The following BLTP3B variants were observed in gnomAD, a reference collection of about 807,000 sequenced individuals.
The protein encoded by BLTP3B is bridge-like lipid transfer protein family member 3B.
At chr12:100,095,573 A>G in the BLTP3B span, 1 of 1,423,240 alleles carries the variant, frequency 7.0e-7, no homozygotes. Context: ...AAACCTCACA[A>G]TCTGTCTCTT....
At chr12:100,120,793 AAGAGAG>A in the BLTP3B span, among the ~76,000 whole-genome samples, 6 of 149,686 alleles carry the variant, frequency 4.0e-5, no homozygotes, top group Non-Finnish European at 6.0e-5. Context: ...ACAATTATGT[AAGAGAG>A]AGAGAGAGAG....
chr12:100,091,751 C>T, the BLTP3B span, among the ~76,000 whole-genome samples: 2 of 151,560 alleles, frequency 1.3e-5, no homozygotes, highest in Admixed American at 6.6e-5. Context: ...GTGACCCACC[C>T]GCCTCAGCCT....
At chr12:100,126,022 T>C in the BLTP3B span, among the ~76,000 whole-genome samples, 34 of 152,046 alleles carry the variant, frequency 2.2e-4, no homozygotes, top group Non-Finnish European at 3.8e-4. Context: ...TCCCAACACT[T>C]TGGGAGGCTG....
At chr12:100,052,908 C>G in the BLTP3B span, among the ~76,000 whole-genome samples, 2 of 151,056 alleles carry the variant, frequency 1.3e-5, no homozygotes, top group African/African-American at 2.4e-5. Flanking sequence ...ATTCTCCTGC[C>G]TCAGCCTCCT....
the BLTP3B span, among the ~76,000 whole-genome samples, chr12:100,098,731 A>G: frequency 0.014 from 2,086 of 148,670 alleles, 18 homozygotes; most frequent in Non-Finnish European, 0.021. Context: ...GTGAAACCCC[A>G]TCTCTACTAA....
chr12:100,058,539 A>C, the BLTP3B span: 3 of 1,612,794 alleles, frequency 1.9e-6, no homozygotes, highest in Non-Finnish European at 2.5e-6. Flanking sequence ...ATCCCTACTA[A>C]TTTGTTTTCT....
the BLTP3B span, among the ~76,000 whole-genome samples, chr12:100,066,520 G>A: frequency 9.1e-4 from 138 of 152,104 alleles, no homozygotes; most frequent in Non-Finnish European, 1.6e-3. Context: ...CCGGCCGGGC[G>A]TGGTAGCTCA....
chr12:100,094,773 T>C, the BLTP3B span, among the ~76,000 whole-genome samples: 1 of 152,128 alleles, frequency 6.6e-6, no homozygotes, highest in East Asian at 1.9e-4. Context: ...GGCACAAAAA[T>C]TGCTTGAACC....
At chr12:100,122,716 C>T in the BLTP3B span, among the ~76,000 whole-genome samples, 5 of 152,268 alleles carry the variant, frequency 3.3e-5, no homozygotes, top group East Asian at 9.7e-4. Context: ...CCATAGTTTG[C>T]TCCCTGCTTT....
the BLTP3B span, among the ~76,000 whole-genome samples, chr12:100,079,477 A>G: frequency 6.6e-6 from 1 of 152,178 alleles, no homozygotes; most frequent in Non-Finnish European, 1.5e-5. Context: ...TCTGAACTTG[A>G]GAGATGATTT....
the BLTP3B span, chr12:100,084,695 T>G: frequency 1.3e-6 from 2 of 1,577,558 alleles, no homozygotes; most frequent in African/African-American, 1.4e-5. Context: ...TTGAAAAATG[T>G]ACAACTTTCA....
the BLTP3B span, chr12:100,092,809 A>G: frequency 4.6e-5 from 36 of 777,330 alleles, no homozygotes; most frequent in Non-Finnish European, 5.6e-5. Flanking sequence ...AAGTCTTAAC[A>G]GAATAGTATT....
chr12:100,117,512 G>A, the BLTP3B span, among the ~76,000 whole-genome samples: 1 of 152,152 alleles, frequency 6.6e-6, no homozygotes, highest in Non-Finnish European at 1.5e-5. Flanking sequence ...GCCCAGGCTG[G>A]AGGGCAGTGG....
the BLTP3B span, among the ~76,000 whole-genome samples, chr12:100,098,827 T>C: frequency 6.0e-3 from 906 of 151,960 alleles, 7 homozygotes; most frequent in African/African-American, 0.021. Context: ...GAGAATCACC[T>C]GAACCCAGGA....
the BLTP3B span, chr12:100,102,895 T>A: frequency 1.4e-5 from 17 of 1,186,606 alleles, no homozygotes; most frequent in African/African-American, 1.9e-4. Flanking sequence ...TTAGATTATT[T>A]ATTCTACGTA....
chr12:100,079,030 G>A, the BLTP3B span, among the ~76,000 whole-genome samples: 1 of 152,154 alleles, frequency 6.6e-6, no homozygotes, highest in Admixed American at 6.6e-5. Context: ...GCTTTCTGCT[G>A]CCATGGTTGT....
chr12:100,062,164 G>C, the BLTP3B span, among the ~76,000 whole-genome samples: 2 of 152,322 alleles, frequency 1.3e-5, no homozygotes, highest in Non-Finnish European at 2.9e-5. Context: ...TCTAGCCTCA[G>C]AACTGTGAGA....
the BLTP3B span, among the ~76,000 whole-genome samples, chr12:100,120,725 A>G: frequency 6.6e-6 from 1 of 152,198 alleles, no homozygotes; most frequent in Non-Finnish European, 1.5e-5. Flanking sequence ...TTCTACTACT[A>G]AGAATTTACT....
the BLTP3B span, chr12:100,037,188 C>G: frequency 1.1e-6 from 1 of 929,856 alleles, no homozygotes. Flanking sequence ...AGCCTCTTTT[C>G]ATTTTACATT....
Sources: gnomAD v4.1 joint callset for allele counts (sites outside exome capture counted in the v4.1 genomes callset) on GRCh38, gnomAD v4.1.1 for gene constraint, MANE v1.5 for transcripts, NCBI Gene and HGNC (gene_info 2026-07-23, HGNC 2026-07-21) for gene names.